Variants in SEMA3A observed in about 807,000 individuals in gnomAD.
SEMA3A encodes the protein semaphorin 3A, also known as semaphorin-3A.
SEMA3A carries 29 observed loss-of-function variants against 97.9 expected under a neutral mutation model. The observed-to-expected ratio is 0.30, with a 90% confidence interval of 0.22 to 0.40. The LOEUF is 0.40. Ranked by LOEUF, SEMA3A falls within the 10% of genes least tolerant of loss-of-function variation. SEMA3A has a pLI of 1.00. For synonymous variants in SEMA3A, 321 were observed against 323.7 expected (o/e 0.99, Z 0.09); for missense variants, 763 against 951.3 (o/e 0.80, Z 2.60).
intron 3 of SEMA3A, among the ~76,000 whole-genome samples, chr7:84,221,022 C>T (rs1232018135): frequency 6.6e-6 from 1 of 152,146 alleles, no homozygotes. Context: ...AAAGCTGTTT[C>T]ATCTACTATG....
chr7:83,989,397 A>C (rs1449995595), intron 12 of SEMA3A, among the ~76,000 whole-genome samples: 3 of 151,156 alleles, frequency 2.0e-5, no homozygotes, highest in Non-Finnish European at 4.4e-5. Flanking sequence ...TACATGTGCC[A>C]TGCTGGTGCA....
Position 84,079,658 on chromosome 7 carries a change from A to G in SEMA3A, c.454-19100T>C, listed in dbSNP as rs1273429339. On this transcript the variant is annotated intron_variant, in intron 4 of 16. Coordinates refer to ENST00000265362, the MANE Select transcript of SEMA3A (RefSeq NM_006080.3). Reference sequence around the variant, plus strand: ...CAAATCAAAACCACAATGAGATACCATCTCACACCAGTTAGAATGGCAATC... The same window carrying G: ...CAAATCAAAACCACAATGAGATACCGTCTCACACCAGTTAGAATGGCAATC... Among the ~76,000 whole-genome samples the G allele has an allele frequency of 2.1e-5, 3 of 143,204 alleles. No homozygotes were observed. In the East Asian group the frequency reaches 6.1e-4, roughly 29 times the overall value. 93.9% of individuals were successfully genotyped at this position (143,204 alleles called of 152,430 possible).
intron 12 of SEMA3A, among the ~76,000 whole-genome samples, chr7:83,998,507 G>A (rs1790306459): frequency 6.6e-6 from 1 of 152,182 alleles, no homozygotes; most frequent in Non-Finnish European, 1.5e-5. Context: ...GAGTGAATGT[G>A]AAGGCCTAGG....
intron 4 of SEMA3A, among the ~76,000 whole-genome samples, chr7:84,099,602 C>T (rs1794892774): frequency 1.3e-5 from 2 of 151,994 alleles, no homozygotes; most frequent in Middle Eastern, 3.4e-3. Flanking sequence ...GCATGAACCA[C>T]AATATGCTAT....
In SEMA3A at chr7:84,150,898, C is replaced by T. The variant is rs998096840; in HGVS notation, c.113-15947G>A. On this transcript the variant is annotated intron_variant, in intron 1 of 16. Transcript: ENST00000265362. The stretch of plus-strand genomic sequence containing the variant: ...CAGCACGCAGCTGGAGATCTGAGAA[C>T]GGGCAGACTGCCTCCTCAAGTGGGT... Among the ~76,000 whole-genome samples, 256 of 151,042 alleles carry T rather than the reference C, an allele frequency of 1.7e-3. 1 individual carries two copies. The highest frequency in any genetic ancestry group is 2.7e-3 in the Admixed American group (41 of 15,138).
intron 1 of SEMA3A, among the ~76,000 whole-genome samples, chr7:84,403,838 C>T (rs951472392): frequency 6.6e-6 from 1 of 152,158 alleles, no homozygotes; most frequent in African/African-American, 2.4e-5. Context: ...AGGGTCCTGA[C>T]TGTTAGAAGG....
At chr7:84,329,363 G>C (rs1196763432) in intron 2 of SEMA3A, among the ~76,000 whole-genome samples, 2 of 151,902 alleles carry the variant, frequency 1.3e-5, no homozygotes, top group Non-Finnish European at 2.9e-5. Flanking sequence ...CTTAAATGTG[G>C]TGGTGGATAT....
chr7:84,340,949 A>C (rs1802152494), intron 2 of SEMA3A, among the ~76,000 whole-genome samples: 1 of 152,144 alleles, frequency 6.6e-6, no homozygotes, highest in Non-Finnish European at 1.5e-5. Context: ...TGATGCATAA[A>C]AACAAAATAG....
At chr7:84,048,401 C>T (rs913276999) in intron 5 of SEMA3A, among the ~76,000 whole-genome samples, 3 of 151,872 alleles carry the variant, frequency 2.0e-5, no homozygotes, top group Non-Finnish European at 4.4e-5. Context: ...AATATTCAAG[C>T]ACCATGACAT....
chr7:84,143,931 TC>T (rs1796380236), intron 1 of SEMA3A, among the ~76,000 whole-genome samples: 2 of 140,686 alleles, frequency 1.4e-5, no homozygotes, highest in Non-Finnish European at 3.1e-5. Context: ...TCTCTCTCTC[TC>T]TCTCTCTCTC....
At position 84,134,837 on chromosome 7, in the gene SEMA3A, T is replaced by TGATC; in HGVS notation, c.223_226dup (p.His76ArgfsTer10). 6.2e-7 allele frequency: 1 copy of TGATC among 1,613,586 alleles called. No homozygotes were observed. Among genetic ancestry groups the TGATC allele is most frequent in the Non-Finnish European group, 8.5e-7 (1 of 1,179,734 alleles). On this transcript the variant is annotated frameshift_variant, in exon 2 of 17. Transcript: ENST00000265362. LOFTEE classifies it high-confidence loss of function. ...ATTAACCAGGTCGAATGAAAATATGTGATCCTTTGCTCCAACATACAGCCT... is the reference window on the plus strand; with the variant it reads ...ATTAACCAGGTCGAATGAAAATATGTGATCGATCCTTTGCTCCAACATACAGCCT...
chr7:84,183,455 T>A (rs1356729702), intron 1 of SEMA3A, among the ~76,000 whole-genome samples: 1 of 151,920 alleles, frequency 6.6e-6, no homozygotes, highest in Admixed American at 6.6e-5. Flanking sequence ...ATTTTTAATC[T>A]GAATATATGA....
At chr7:84,448,516 A>C (rs1805482444) in intron 1 of SEMA3A, among the ~76,000 whole-genome samples, 1 of 152,176 alleles carries the variant, frequency 6.6e-6, no homozygotes, top group African/African-American at 2.4e-5. Flanking sequence ...CTAATCTGTT[A>C]GTGTATAGAA....
chr7:84,164,688 A>C (rs1366388097), intron 1 of SEMA3A, among the ~76,000 whole-genome samples: 2 of 152,296 alleles, frequency 1.3e-5, no homozygotes, highest in East Asian at 1.9e-4. Flanking sequence ...AATTGCATGT[A>C]GTAAATCACT....
chr7:83,990,662 T>C (rs1277277241), intron 12 of SEMA3A, among the ~76,000 whole-genome samples: 2 of 143,688 alleles, frequency 1.4e-5, no homozygotes, highest in East Asian at 4.1e-4. Flanking sequence ...GGCTCTGTTC[T>C]GTTCCATTGA....
intron 14 of SEMA3A, among the ~76,000 whole-genome samples, chr7:83,977,788 C>CTTTTTTTTTTTTTTTTTTTTT (rs139682272): frequency 7.1e-6 from 1 of 141,098 alleles, no homozygotes; most frequent in African/African-American, 2.6e-5. Flanking sequence ...TCAACCTATC[C>CTTTTTTTTTTTTTTTTTTTTT]TTTTTTTTTT....
At chr7:84,199,515 A>G (rs1261566695), upstream of SEMA3A, among the ~76,000 whole-genome samples, 3 of 152,142 alleles carry the variant, frequency 2.0e-5, no homozygotes, top group Non-Finnish European at 2.9e-5. Flanking sequence ...GTGTTTTTCA[A>G]TTGAGACATG....
intron 1 of SEMA3A, among the ~76,000 whole-genome samples, chr7:84,466,530 G>A (rs1806003523): frequency 6.6e-6 from 1 of 152,152 alleles, no homozygotes; most frequent in Non-Finnish European, 1.5e-5. Context: ...ATCCATGGAA[G>A]CAAATTCTAG....
rs777373528 is a variant in SEMA3A, at chr7:84,010,959, T to C, written c.995+63A>G. ...TTCAAAAATATACTTTTGCAAATTA[T>C]GAGTACTTGGATAGCACCTAAATAA... is the stretch of plus-strand genomic sequence containing the variant. On this transcript the variant is annotated intron_variant, in intron 9 of 16. Transcript: ENST00000265362. 5.2e-4 allele frequency: 643 copies of C among 1,244,392 alleles called. 3 individuals carry two copies. The highest frequency in any genetic ancestry group is 2.2e-4 in the Non-Finnish European group (197 of 878,888). 77.1% of individuals were successfully genotyped at this position (1,244,392 alleles called of 1,614,324 possible).
Sources: allele counts gnomAD v4.1 joint callset (sites outside exome capture counted in the v4.1 genomes callset), GRCh38; gene constraint gnomAD v4.1.1; transcripts MANE v1.5; gene names NCBI Gene and HGNC (gene_info 2026-07-23, HGNC 2026-07-21).